The following CPXM2 variants were observed in gnomAD, a reference collection of about 807,000 sequenced individuals.
CPXM2 encodes the protein inactive carboxypeptidase-like protein X2.
In CPXM2, 66 loss-of-function variants were observed where a neutral mutation model predicts 86.1. That is an observed-to-expected ratio of 0.77 (90% CI 0.63 to 0.94). The LOEUF (loss-of-function observed/expected upper bound fraction) is 0.94. Among genes scored for constraint, CPXM2 ranks in the 40% least tolerant of loss-of-function variants. The pLI, the probability that CPXM2 is intolerant of heterozygous loss-of-function variation, is 0.00. For missense variants in CPXM2, 948 were observed against 1,026.3 expected (o/e 0.92, Z 1.04); for synonymous variants, 388 against 400.2 (o/e 0.97, Z 0.36).
chr10:123,919,121 AT>A (rs60381564), intron 2 of CPXM2, among the ~76,000 whole-genome samples: 26,629 of 152,094 alleles, frequency 0.18, 2,624 homozygotes, highest in African/African-American at 0.27. Flanking sequence ...GGCTTTGAGA[AT>A]TTAACTGCTG....
At chr10:123,838,909 C>T (rs1417972366) in intron 4 of CPXM2, among the ~76,000 whole-genome samples, 1 of 152,162 alleles carries the variant, frequency 6.6e-6, no homozygotes, top group Non-Finnish European at 1.5e-5. Context: ...CAGGGGTGTT[C>T]CTGTGAGGGA....
intron 13 of CPXM2, chr10:123,751,085 C>T (rs1846064833): frequency 1.0e-6 from 1 of 983,682 alleles, no homozygotes; most frequent in African/African-American, 1.7e-5. Flanking sequence ...CAAGCCTGTC[C>T]CGCAGACTCT....
chr10:123,880,530 C>T (rs1945065453), intron 1 of CPXM2, among the ~76,000 whole-genome samples: 1 of 152,072 alleles, frequency 6.6e-6, no homozygotes, highest in South Asian at 2.1e-4. Context: ...AAACAATGTA[C>T]ACCTGCACGT....
At chr10:123,909,372 T>G (rs2134268794) in intron 2 of CPXM2, among the ~76,000 whole-genome samples, 1 of 152,360 alleles carries the variant, frequency 6.6e-6, no homozygotes, top group East Asian at 1.9e-4. Flanking sequence ...GCTTAATTTT[T>G]TTTCTTTAAA....
chr10:123,912,315 G>GAT (rs796432267), intron 2 of CPXM2, among the ~76,000 whole-genome samples: 1 of 130,330 alleles, frequency 7.7e-6, no homozygotes, highest in African/African-American at 3.0e-5. Flanking sequence ...GGGCGGGGGG[G>GAT]GGGGGGCAGG....
intron 13 of CPXM2, chr10:123,750,853 A>G: frequency 1.0e-6 from 1 of 985,432 alleles, no homozygotes; most frequent in Non-Finnish European, 1.2e-6. Flanking sequence ...CGCTGTCCTC[A>G]GTTCTTGGCT....
chr10:123,782,049 T>G (rs1457315498), intron 6 of CPXM2, among the ~76,000 whole-genome samples: 3 of 152,226 alleles, frequency 2.0e-5, no homozygotes, highest in African/African-American at 7.2e-5. Context: ...ATAACTGTTA[T>G]GCGAAGGGAA....
intron 2 of CPXM2, among the ~76,000 whole-genome samples, chr10:123,927,413 C>A (rs1239186443): frequency 6.6e-6 from 1 of 152,192 alleles, no homozygotes; most frequent in African/African-American, 2.4e-5. Context: ...AGAGTAAAAA[C>A]GTACATAGGC....
At chr10:123,936,886 A>G (rs1945725659) in intron 2 of CPXM2, among the ~76,000 whole-genome samples, 2 of 151,864 alleles carry the variant, frequency 1.3e-5, no homozygotes, top group Non-Finnish European at 2.9e-5. Context: ...TTTTTTCTCC[A>G]TCATTCAGGA....
At chr10:123,880,061 C>G (rs541513689) in intron 2 of CPXM2, 150 bp downstream of exon 2, 9 of 574,250 alleles carry the variant, frequency 1.6e-5, no homozygotes, top group Non-Finnish European at 2.5e-5. Flanking sequence ...TTCTCGCCCC[C>G]GCACCATGGA....
intron 2 of CPXM2, among the ~76,000 whole-genome samples, chr10:123,874,004 C>T (rs559782524): frequency 2.0e-5 from 3 of 151,992 alleles, no homozygotes; most frequent in South Asian, 2.1e-4. Flanking sequence ...GGACTACAGG[C>T]ATGCATCACC....
At chr10:123,821,523 A>C (rs939961956) in intron 4 of CPXM2, among the ~76,000 whole-genome samples, 2 of 152,244 alleles carry the variant, frequency 1.3e-5, no homozygotes, top group Non-Finnish European at 2.9e-5. Context: ...GCATTCTGCC[A>C]ACCACGTAAG....
intron 4 of CPXM2, among the ~76,000 whole-genome samples, chr10:123,841,874 A>C (rs188096607): frequency 2.6e-5 from 4 of 152,326 alleles, no homozygotes; most frequent in Non-Finnish European, 4.4e-5. Flanking sequence ...AAGCTCTGTC[A>C]TCCTTGACTT....
chr10:123,839,806 G>C (rs1848349800), intron 4 of CPXM2, among the ~76,000 whole-genome samples: 1 of 152,214 alleles, frequency 6.6e-6, no homozygotes. Flanking sequence ...GTTGGAGACA[G>C]TACTATTCCC....
intron 4 of CPXM2, among the ~76,000 whole-genome samples, chr10:123,824,199 C>G (rs1019926091): frequency 2.0e-5 from 3 of 152,170 alleles, no homozygotes; most frequent in Non-Finnish European, 2.9e-5. Context: ...AATTGGAAAG[C>G]ATTTTGCTTT....
chr10:123,905,375 G>C (rs1945429510), intron 2 of CPXM2, among the ~76,000 whole-genome samples: 1 of 152,196 alleles, frequency 6.6e-6, no homozygotes, highest in Non-Finnish European at 1.5e-5. Context: ...CACAGGGACA[G>C]AGCACTGGAC....
intron 4 of CPXM2, among the ~76,000 whole-genome samples, chr10:123,801,277 G>T (rs1447071821): frequency 6.6e-6 from 1 of 152,274 alleles, no homozygotes; most frequent in African/African-American, 2.4e-5. Context: ...CCCTGCACAC[G>T]CTCTCTTGCC....
chr10:123,862,745 TA>T lies in CPXM2; in HGVS notation c.404-23del, dbSNP rs1848881676. On this transcript the variant is annotated intron_variant, in intron 2 of 13. Coordinates refer to ENST00000241305, the MANE Select transcript of CPXM2 (RefSeq NM_198148.3). ...CAACCTGGAAAGGACAAATGCTTGT[TA>T]AAAACAACGACAGATGCTGAAAGGG... 2.5e-6 allele frequency: 4 copies of T among 1,588,144 alleles called. No individual in the cohort carries two copies. The East Asian group carries it at 8.9e-5, about 35-fold the overall frequency.
In CPXM2 at chr10:123,923,830, C is replaced by G. The variant is rs544473570; in HGVS notation, n.174+15647G>C. 5.3e-5 allele frequency among the ~76,000 whole-genome samples: 8 copies of G among 152,262 alleles called. No individual in the cohort carries two copies. In the South Asian group the frequency reaches 1.0e-3, roughly 20 times the overall value. ...TTATAAAGGGGCATTTCCCTGCACA[C>G]GCTCTCTCCTCTTGTCTGCCTCCAT... is the stretch of plus-strand genomic sequence containing the variant. On this transcript the variant is annotated intron_variant and non_coding_transcript_variant, in intron 2 of 19. Coordinates refer to the CPXM2 transcript ENST00000368854.
Sources: allele counts gnomAD v4.1 joint callset (sites outside exome capture counted in the v4.1 genomes callset), GRCh38; gene constraint gnomAD v4.1.1; transcripts MANE v1.5; gene names NCBI Gene and HGNC (gene_info 2026-07-23, HGNC 2026-07-21).